IL1R1: variants seen among roughly 807,000 people sequenced by gnomAD.
IL1R1 encodes the protein interleukin 1 receptor type 1.
IL1R1 carries 22 observed loss-of-function variants against 50.2 expected under a neutral mutation model. The observed-to-expected ratio is 0.44, with a 90% confidence interval of 0.31 to 0.63. IL1R1 has a LOEUF of 0.63. IL1R1 is among the 20% of genes least tolerant of loss of function. IL1R1 has a pLI of 0.07. For missense variants in IL1R1, 509 were observed against 676.2 expected, an observed-to-expected ratio of 0.75 and a Z score of 2.74; for synonymous variants, 251 against 236.7, an observed-to-expected ratio of 1.06 and a Z score of -0.55.
At chr2:102,080,356 T>C (rs975950315) in intron 1 of IL1R1, among the ~76,000 whole-genome samples, 1 of 152,142 alleles carries the variant, frequency 6.6e-6, no homozygotes, top group Non-Finnish European at 1.5e-5. Flanking sequence ...ATCCATAATA[T>C]GCACAAATCT....
At chr2:102,171,733 C>A in intron 7 of IL1R1, 68 bp from the exon 8 acceptor site, 3 of 809,602 alleles carry the variant, frequency 3.7e-6, no homozygotes, top group Non-Finnish European at 3.7e-6. Context: ...AATTCAATAG[C>A]CATTTATTAA....
intron 1 of IL1R1, among the ~76,000 whole-genome samples, chr2:102,093,337 T>G (rs1679761995): frequency 6.6e-6 from 1 of 152,150 alleles, no homozygotes; most frequent in Non-Finnish European, 1.5e-5. Context: ...CCCTTGTGAG[T>G]CTTCATTTCT....
At chr2:102,158,704 T>C (rs3917246) in intron 3 of IL1R1, among the ~76,000 whole-genome samples, 126,440 of 151,726 alleles carry the variant, frequency 0.83, 53,126 homozygotes, top group African/African-American at 0.94. Context: ...TGGAATGTTG[T>C]GCCCTTTTTT....
intron 1 of IL1R1, among the ~76,000 whole-genome samples, chr2:102,072,047 C>T (rs1165988860): frequency 6.6e-6 from 1 of 151,866 alleles, no homozygotes; most frequent in East Asian, 1.9e-4. Context: ...CAGCTGAGGT[C>T]AGGAGTTCGA....
chr2:102,137,328 C>T (rs919904105), intron 1 of IL1R1, among the ~76,000 whole-genome samples: 7 of 152,190 alleles, frequency 4.6e-5, no homozygotes, highest in South Asian at 2.1e-4. Flanking sequence ...GTATTATTAT[C>T]TCTCATGATT....
intron 1 of IL1R1, among the ~76,000 whole-genome samples, chr2:102,129,273 C>T (rs1226484816): frequency 1.3e-5 from 2 of 151,256 alleles, no homozygotes; most frequent in Non-Finnish European, 2.9e-5. Context: ...ACAACAACAA[C>T]AACAACAACA....
chr2:102,168,733 TG>T, intron 7 of IL1R1, 70 bp downstream of exon 7: 8 of 1,093,370 alleles, frequency 7.3e-6, no homozygotes, highest in Non-Finnish European at 9.6e-6. Flanking sequence ...TAAGATAAAT[TG>T]TATCTTTACT....
chr2:102,151,268 T>A (rs75680366), intron 1 of IL1R1, among the ~76,000 whole-genome samples: 2,567 of 152,264 alleles, frequency 0.017, 74 homozygotes, highest in African/African-American at 0.057. Flanking sequence ...CTACCCTCTC[T>A]TATATGATTC....
chr2:102,165,163 G>C lies in IL1R1; in HGVS notation c.345G>C (p.Glu115Asp). The change falls in exon 5 of 12, where the codon GAG becomes GAC. Residue 115 changes from glutamate (E) to aspartate (D), a missense_variant. Glu to Asp is a conservative substitution (Grantham distance 45, BLOSUM62 2). Coordinates refer to ENST00000410023, the MANE Select transcript of IL1R1 (RefSeq NM_000877.4). ...TTAAAATAAGTGCAAAATTTGTGGAGAATGAGCCTAACTTATGTTATAATG... is the reference window on the plus strand; with the variant it reads ...TTAAAATAAGTGCAAAATTTGTGGACAATGAGCCTAACTTATGTTATAATG... ...LRIKISAKFV[E>D]NEPNLCYNAQ... is the part of the protein sequence containing the mutation. The C allele has an allele frequency of 6.3e-7, 1 of 1,586,250 alleles. No individual in the cohort carries two copies. Among genetic ancestry groups the C allele is most frequent in the African/African-American group, 1.4e-5 (1 of 73,124 alleles).
intron 3 of IL1R1, among the ~76,000 whole-genome samples, chr2:102,159,888 T>C (rs1286235672): frequency 6.6e-6 from 1 of 152,246 alleles, no homozygotes; most frequent in Admixed American, 6.5e-5. Context: ...ATTTAAGTTA[T>C]AAAGCTACAA....
intron 1 of IL1R1, among the ~76,000 whole-genome samples, chr2:102,152,116 G>T (rs551113897): frequency 6.6e-6 from 1 of 152,174 alleles, no homozygotes; most frequent in African/African-American, 2.4e-5. Context: ...GGCACATGGT[G>T]GTCGCTTCAG....
intron 1 of IL1R1, among the ~76,000 whole-genome samples, chr2:102,109,492 T>C (rs191472996): frequency 6.6e-6 from 1 of 152,218 alleles, no homozygotes; most frequent in Non-Finnish European, 1.5e-5. Flanking sequence ...TGAGTCCATG[T>C]GCCACACTGG....
chr2:102,076,285 C>T (rs906442592), intron 1 of IL1R1, among the ~76,000 whole-genome samples: 3 of 151,492 alleles, frequency 2.0e-5, no homozygotes, highest in African/African-American at 7.3e-5. Context: ...TCACACCATT[C>T]TCCTGCCTCA....
intron 11 of IL1R1, 33 bp downstream of exon 11, chr2:102,175,678 T>C (rs201801878): frequency 1.0e-5 from 16 of 1,602,384 alleles, no homozygotes; most frequent in East Asian, 8.9e-5. Context: ...TAAAGGCTTA[T>C]TGTTGTAAAA....
intron 1 of IL1R1, among the ~76,000 whole-genome samples, chr2:102,121,251 C>T (rs184204118): frequency 6.6e-5 from 10 of 152,316 alleles, no homozygotes; most frequent in African/African-American, 2.2e-4. Context: ...GTCCGCCCCC[C>T]AACCCCCTGG....
intron 6 of IL1R1, among the ~76,000 whole-genome samples, chr2:102,166,515 C>T (rs1227305952): frequency 6.6e-6 from 1 of 151,988 alleles, no homozygotes; most frequent in Non-Finnish European, 1.5e-5. Context: ...CTGTGTTTTC[C>T]AACTGATTTA....
chr2:102,115,537 C>T (rs1472012864), intron 1 of IL1R1, among the ~76,000 whole-genome samples: 1 of 152,146 alleles, frequency 6.6e-6, no homozygotes, highest in African/African-American at 2.4e-5. Flanking sequence ...GGGGAGAGAA[C>T]TCAAGCAATG....
upstream of IL1R1, chr2:102,141,973 C>T (rs1682678454): frequency 6.6e-6 from 1 of 152,190 alleles, no homozygotes; most frequent in African/African-American, 2.4e-5. Flanking sequence ...CCTTCCATTC[C>T]CCTGGGTGTG....
rs181997762 is a variant in IL1R1, at chr2:102,093,463, G to A, written c.-84+22930G>A. ...GTACCATTTTACATTCCCTCCAGCA[G>A]TATTTGAGTTCCAGTTCATCCACAT... On this transcript the variant is annotated intron_variant, in intron 1 of 11. Transcript: ENST00000409929. 2.0e-5 allele frequency among the ~76,000 whole-genome samples: 3 copies of A among 152,280 alleles called. No individual in the cohort carries two copies. In the East Asian group the frequency reaches 5.8e-4, roughly 29 times the overall value.
Sources: allele counts gnomAD v4.1 joint callset (sites outside exome capture counted in the v4.1 genomes callset), GRCh38; gene constraint gnomAD v4.1.1; transcripts MANE v1.5; gene names NCBI Gene and HGNC (gene_info 2026-07-23, HGNC 2026-07-21).